Variants in KALRN observed in about 807,000 individuals in gnomAD.
KALRN encodes kalirin.
Under a neutral mutation model 353.7 loss-of-function variants are expected in KALRN, and 70 were observed. That is an observed-to-expected ratio of 0.20 (90% CI 0.16 to 0.24). The LOEUF (loss-of-function observed/expected upper bound fraction) is 0.24. Ranked by LOEUF, KALRN falls within the 10% of genes least tolerant of loss-of-function variation. The pLI, the probability that KALRN is intolerant of heterozygous loss-of-function variation, is 1.00. For synonymous variants in KALRN, 1,391 were observed against 1,434.8 expected (o/e 0.97, Z 0.69); for missense variants, 2,791 against 3,756.7 (o/e 0.74, Z 6.72).
chr3:124,690,097 A>T (rs1319513344), intron 51 of KALRN, among the ~76,000 whole-genome samples: 3 of 152,200 alleles, frequency 2.0e-5, no homozygotes, highest in Non-Finnish European at 4.4e-5. Context: ...TTGATTTGAC[A>T]AATATCAACA....
At chr3:124,588,083 G>A (rs1178176109) in intron 34 of KALRN, among the ~76,000 whole-genome samples, 1 of 152,090 alleles carries the variant, frequency 6.6e-6, no homozygotes, top group Non-Finnish European at 1.5e-5. Context: ...TGAAAGGCAG[G>A]AAAACTGAAA....
chr3:124,663,752 T>G lies in KALRN; in HGVS notation c.6345+1824T>G, dbSNP rs752483213. ...TAAATGGCTTGTTTTTTGTTTTTTG[T>G]TTTTTTTCTGGCTAAACTAGAATGA... On this transcript the variant is annotated intron_variant, in intron 45 of 59. Coordinates refer to ENST00000682506, the MANE Select transcript of KALRN (RefSeq NM_001388419.1). Among the ~76,000 whole-genome samples, 72 of 148,410 alleles carry G rather than the reference T, an allele frequency of 4.9e-4. 2 individuals are homozygous for G. Among genetic ancestry groups the G allele is most frequent in the Non-Finnish European group, 1.3e-4 (9 of 67,932 alleles).
Position 124,623,149 on chromosome 3 carries a change from TC to T in KALRN, c.5183-9270del, listed in dbSNP as rs2079480563. On this transcript the variant is annotated intron_variant, in intron 34 of 59. Transcript: ENST00000682506. ...TTTTGTCTCTTTCTTTCTTTCCTTT[TC>T]TTTTCTTTGCTTTGCTTTTTTCTTT... Among the ~76,000 whole-genome samples, 11 of 151,884 alleles carry T rather than the reference TC, an allele frequency of 7.2e-5. No homozygotes were observed. The South Asian group carries it at 2.3e-3, about 32-fold the overall frequency.
At chr3:124,548,039 G>T (rs2109469920) in intron 33 of KALRN, among the ~76,000 whole-genome samples, 1 of 152,252 alleles carries the variant, frequency 6.6e-6, no homozygotes, top group East Asian at 1.9e-4. Flanking sequence ...CTGCCACAAG[G>T]AACTCTCAGC....
At chr3:124,463,289 A>G (rs9817308) in intron 25 of KALRN, among the ~76,000 whole-genome samples, 2 of 152,114 alleles carry the variant, frequency 1.3e-5, no homozygotes, top group Non-Finnish European at 1.5e-5. Flanking sequence ...CCAAAATACA[A>G]ATAGAATCTC....
chr3:124,480,526 A>C (rs1328008261), intron 27 of KALRN, among the ~76,000 whole-genome samples: 1 of 152,172 alleles, frequency 6.6e-6, no homozygotes, highest in Non-Finnish European at 1.5e-5. Context: ...CCTACTTTAA[A>C]ATAACAGCTT....
chr3:124,377,663 G>A (rs1024104814), intron 10 of KALRN, among the ~76,000 whole-genome samples: 3 of 152,070 alleles, frequency 2.0e-5, no homozygotes, highest in Admixed American at 6.6e-5. Flanking sequence ...TATAATTATG[G>A]ATTTCTCTAT....
chr3:124,068,439 A>C (rs2042563692), intron 1 of KALRN, among the ~76,000 whole-genome samples: 1 of 152,266 alleles, frequency 6.6e-6, no homozygotes, highest in African/African-American at 2.4e-5. Context: ...ACAGTCCCAC[A>C]TCCATCTACA....
chr3:124,720,295 C>T lies in KALRN; in HGVS notation c.*825C>T, dbSNP rs2063329236. ...CTCAGAATTATTCTGGAAAGAAAGC[C>T]TGCCAGGAAATAAATTCAAATACAG... On this transcript the variant is annotated 3_prime_UTR_variant, in exon 60 of 60. Transcript: ENST00000682506. The T allele has an allele frequency of 6.6e-6, 1 of 152,620 alleles. No individual in the cohort carries two copies. Among genetic ancestry groups the T allele is most frequent in the Non-Finnish European group, 1.5e-5 (1 of 68,046 alleles). The allele number at this position is 152,620 out of a possible 1,614,324, so 9.5% of individuals were successfully genotyped here. A position where few individuals can be genotyped will look rare whatever the true frequency, so the allele number is the denominator to read the frequency against.
At chr3:124,653,701 T>C (rs766625662) in intron 38 of KALRN, among the ~76,000 whole-genome samples, 31 of 152,358 alleles carry the variant, frequency 2.0e-4, no homozygotes, top group Non-Finnish European at 2.4e-4. Flanking sequence ...AGCCATTCCC[T>C]ATCCCTGTGA....
At chr3:124,441,437 T>C (rs1212393793) in intron 18 of KALRN, among the ~76,000 whole-genome samples, 1 of 152,090 alleles carries the variant, frequency 6.6e-6, no homozygotes, top group Non-Finnish European at 1.5e-5. Context: ...AAGGGTGAGC[T>C]CCATAAATTG....
chr3:124,517,184 C>A (rs924443200), intron 33 of KALRN, among the ~76,000 whole-genome samples: 8 of 152,196 alleles, frequency 5.3e-5, no homozygotes, highest in Non-Finnish European at 8.8e-5. Context: ...AGTCCTTTTG[C>A]TGTGAGTTAC....
At chr3:124,476,470 A>C (rs1423759398) in intron 26 of KALRN, among the ~76,000 whole-genome samples, 1 of 152,110 alleles carries the variant, frequency 6.6e-6, no homozygotes, top group Non-Finnish European at 1.5e-5. Flanking sequence ...CTGCTGTAAT[A>C]AACACATATT....
chr3:124,458,763 T>C (rs2059578295), intron 23 of KALRN, among the ~76,000 whole-genome samples: 1 of 151,504 alleles, frequency 6.6e-6, no homozygotes, highest in South Asian at 2.1e-4. Flanking sequence ...AACCTGTCTT[T>C]GCTAAAAAAA....
At chr3:124,206,522 T>C (rs1333507244) in intron 1 of KALRN, among the ~76,000 whole-genome samples, 1 of 152,198 alleles carries the variant, frequency 6.6e-6, no homozygotes, top group East Asian at 1.9e-4. Context: ...CTTATATGGA[T>C]TGGTGGAAAT....
intron 10 of KALRN, among the ~76,000 whole-genome samples, chr3:124,370,978 A>G (rs949977656): frequency 3.3e-5 from 5 of 152,242 alleles, no homozygotes; most frequent in Admixed American, 6.5e-5. Flanking sequence ...TTAGCTATTT[A>G]TAAACTGCCA....
intron 28 of KALRN, 147 bp from the exon 29 acceptor site, chr3:124,488,057 C>T (rs1399713047): frequency 1.8e-6 from 1 of 554,702 alleles, no homozygotes; most frequent in Non-Finnish European, 3.3e-6. Context: ...TTAGAGATAA[C>T]CCCTTTTACC....
At chr3:124,315,225 A>G (rs965578808) in intron 6 of KALRN, among the ~76,000 whole-genome samples, 6 of 152,000 alleles carry the variant, frequency 3.9e-5, no homozygotes, top group East Asian at 3.9e-4. Flanking sequence ...CCCCATCCCA[A>G]CCTTTCCAGA....
chr3:124,440,696 G>A (rs918268144), intron 18 of KALRN, among the ~76,000 whole-genome samples: 5 of 151,628 alleles, frequency 3.3e-5, no homozygotes, highest in African/African-American at 4.8e-5. Context: ...TTCAGGGTGT[G>A]TAGAAGAAAA....
Sources: gnomAD v4.1 joint callset for allele counts (sites outside exome capture counted in the v4.1 genomes callset) on GRCh38, gnomAD v4.1.1 for gene constraint, MANE v1.5 for transcripts, NCBI Gene and HGNC (gene_info 2026-07-23, HGNC 2026-07-21) for gene names.